The following ATXN1 variants were observed in gnomAD, a reference collection of about 807,000 sequenced individuals.
ATXN1 encodes the protein ataxin 1, also known as ataxin-1.
ATXN1 carries 8 observed loss-of-function variants against 56.4 expected under a neutral mutation model. That is an observed-to-expected ratio of 0.14 (90% confidence interval 0.08 to 0.26). The LOEUF (loss-of-function observed/expected upper bound fraction) is 0.26. Among genes scored for constraint, ATXN1 ranks in the 10% least tolerant of loss-of-function variants. ATXN1 has a pLI of 1.00. For missense variants in ATXN1, 987 were observed against 1,106.5 expected (o/e 0.89, Z 1.53); for synonymous variants, 514 against 494.6 (o/e 1.04, Z -0.52).
At chr6:16,591,082 A>G (rs1211930984) in intron 3 of ATXN1, among the ~76,000 whole-genome samples, 5 of 151,958 alleles carry the variant, frequency 3.3e-5, no homozygotes. Context: ...TGGTCTCCCA[A>G]AGTGCTGTGA....
intron 6 of ATXN1, among the ~76,000 whole-genome samples, chr6:16,339,503 A>G (rs543702737): frequency 2.8e-4 from 42 of 152,316 alleles, no homozygotes; most frequent in Non-Finnish European, 5.4e-4. Flanking sequence ...CTCAACTGCA[A>G]AGACCCCAAG....
rs760622610 is a variant in ATXN1, at chr6:16,305,005, C to T, written c.*1324G>A. ...CACATACTAGTTCATAATTCACATT[C>T]ATCCCTTTAAACCACATTGAAACTT... On this transcript the variant is annotated 3_prime_UTR_variant, in exon 8 of 8. Coordinates refer to ENST00000436367, the MANE Select transcript of ATXN1 (RefSeq NM_001128164.2). 4 of 152,646 alleles carry T rather than the reference C, an allele frequency of 2.6e-5. No homozygotes were observed. The highest frequency in any genetic ancestry group is 4.4e-5 in the Non-Finnish European group (3 of 68,044). 9.5% of individuals were successfully genotyped at this position (152,646 alleles called of 1,614,324 possible).
intron 7 of ATXN1, among the ~76,000 whole-genome samples, chr6:16,318,652 C>T (rs750037616): frequency 6.6e-6 from 1 of 152,242 alleles, no homozygotes; most frequent in Admixed American, 6.5e-5. Flanking sequence ...CAAAGCCTGA[C>T]TCAGTCCTTG....
intron 2 of ATXN1, among the ~76,000 whole-genome samples, chr6:16,713,716 G>A (rs558515354): frequency 6.6e-6 from 1 of 152,188 alleles, no homozygotes; most frequent in Non-Finnish European, 1.5e-5. Flanking sequence ...GTTTCACGGA[G>A]GGATTTGTCA....
chr6:16,558,915 C>T (rs901681341), intron 4 of ATXN1, among the ~76,000 whole-genome samples: 17 of 151,316 alleles, frequency 1.1e-4, no homozygotes, highest in Non-Finnish European at 2.5e-4. Flanking sequence ...TTACATGCTC[C>T]TAAAAAAAAA....
intron 7 of ATXN1, among the ~76,000 whole-genome samples, chr6:16,310,908 T>C (rs911763040): frequency 6.6e-6 from 1 of 152,264 alleles, no homozygotes; most frequent in Non-Finnish European, 1.5e-5. Context: ...TCTTCTTTGT[T>C]TCCTTTGTTA....
At chr6:16,475,427 A>G (rs1173663998) in intron 6 of ATXN1, among the ~76,000 whole-genome samples, 1 of 152,240 alleles carries the variant, frequency 6.6e-6, no homozygotes, top group East Asian at 1.9e-4. Flanking sequence ...GAAATTTATC[A>G]TAACAGCATC....
At chr6:16,337,266 G>A (rs190824678) in intron 6 of ATXN1, among the ~76,000 whole-genome samples, 59 of 152,368 alleles carry the variant, frequency 3.9e-4, no homozygotes, top group African/African-American at 1.1e-3. Flanking sequence ...TTCTGGGGGT[G>A]CAGTTAGTGA....
chr6:16,391,034 C>T (rs752013711), intron 6 of ATXN1, among the ~76,000 whole-genome samples: 15 of 151,826 alleles, frequency 9.9e-5, no homozygotes, highest in South Asian at 4.2e-4. Flanking sequence ...TAGGAGCACA[C>T]GTCTGTAATC....
Position 16,306,673 on chromosome 6 carries a change from C to T in ATXN1, c.2104G>A (p.Asp702Asn), listed in dbSNP as rs745377870. The T allele has an allele frequency of 6.2e-7, 1 of 1,614,224 alleles. No homozygotes were observed. The highest frequency in any genetic ancestry group is 1.7e-5 in the Admixed American group (1 of 60,024). ...TGCTTCAGCAGGACGCTGGCGGGAT[C>T]CACGGGCTGGCCCTTTTTAACAGAG... Reference protein sequence around the residue: ...NGSVKKGQPVDPASVLLKHSK... With the variant: ...NGSVKKGQPVNPASVLLKHSK... Residue 702 changes from aspartate (D) to asparagine (N), a missense_variant, in exon 8 of 8, where the codon GAT (aspartate) becomes AAT (asparagine). Coordinates refer to ENST00000436367, the MANE Select transcript of ATXN1 (RefSeq NM_001128164.2). The surrounding 1 kb of genome is among the most constrained non-coding windows in gnomAD (Gnocchi z 5.2).
intron 4 of ATXN1, among the ~76,000 whole-genome samples, chr6:16,540,678 A>G (rs1007013812): frequency 1.3e-5 from 2 of 152,206 alleles, no homozygotes; most frequent in Non-Finnish European, 2.9e-5. Context: ...GAGTCACTAT[A>G]TTAAACTGCC....
intron 5 of ATXN1, among the ~76,000 whole-genome samples, chr6:16,520,907 A>G (rs1220609299): frequency 6.6e-6 from 1 of 152,224 alleles, no homozygotes; most frequent in Non-Finnish European, 1.5e-5. Context: ...TTACGTCTGT[A>G]TGTACATAAG....
intron 6 of ATXN1, among the ~76,000 whole-genome samples, chr6:16,425,082 T>A (rs1052542431): frequency 1.4e-4 from 21 of 152,228 alleles, no homozygotes; most frequent in African/African-American, 4.6e-4. Context: ...ATGGCCTTTT[T>A]TCCCTCTAAA....
chr6:16,609,330 G>A (rs915739638), intron 3 of ATXN1, among the ~76,000 whole-genome samples: 1 of 152,224 alleles, frequency 6.6e-6, no homozygotes, highest in African/African-American at 2.4e-5. Flanking sequence ...CTGGTGGGAT[G>A]TGAGATGTCT....
At chr6:16,523,167 G>A (rs1761326718) in intron 4 of ATXN1, among the ~76,000 whole-genome samples, 1 of 152,136 alleles carries the variant, frequency 6.6e-6, no homozygotes, top group South Asian at 2.1e-4. Flanking sequence ...CTCCCAAAGT[G>A]TTGGGATTAC....
intron 2 of ATXN1, among the ~76,000 whole-genome samples, chr6:16,661,187 C>T (rs914897887): frequency 1.3e-5 from 2 of 151,800 alleles, no homozygotes; most frequent in African/African-American, 2.4e-5. Flanking sequence ...CCTGGCTCTT[C>T]GTTTCGAAAG....
chr6:16,759,499 T>C (rs1408631949), intron 1 of ATXN1, among the ~76,000 whole-genome samples: 2 of 144,434 alleles, frequency 1.4e-5, no homozygotes, highest in Admixed American at 7.0e-5. Context: ...GTTAGCCACA[T>C]CGCGCATTAT....
At chr6:16,620,534 C>T (rs942657571) in intron 3 of ATXN1, among the ~76,000 whole-genome samples, 2 of 152,086 alleles carry the variant, frequency 1.3e-5, no homozygotes, top group African/African-American at 4.8e-5. Flanking sequence ...TTCTCATATC[C>T]TAGGATCCTA....
intron 6 of ATXN1, among the ~76,000 whole-genome samples, chr6:16,357,034 A>C (rs1761701406): frequency 6.6e-6 from 1 of 152,112 alleles, no homozygotes; most frequent in Non-Finnish European, 1.5e-5. Flanking sequence ...CAACAGTCTC[A>C]AATGCTGGTT....
Sources: gnomAD v4.1 joint callset for allele counts (sites outside exome capture counted in the v4.1 genomes callset) on GRCh38, gnomAD v4.1.1 for gene constraint, Gnocchi (gnomAD v3.1) non-coding constraint, MANE v1.5 for transcripts, NCBI Gene and HGNC (gene_info 2026-07-23, HGNC 2026-07-21) for gene names.